TMA16: variants seen among roughly 807,000 people sequenced by gnomAD.
TMA16 encodes translation machinery-associated protein 16.
A neutral mutation model predicts 27.1 loss-of-function variants in TMA16; 26 were observed. The ratio of observed to expected loss-of-function variants is 0.96; its 90% CI spans 0.70 to 1.33. The LOEUF is 1.33. Ranked by LOEUF, TMA16 falls within the 40% of genes most tolerant of loss-of-function variation. The pLI is 0.00. For synonymous variants in TMA16, 71 were observed against 81.9 expected (o/e 0.87, Z 0.72); for missense variants, 233 against 241.4 (o/e 0.97, Z 0.23).
At chr4:163,515,657 G>C (rs1307130366) in intron 5 of TMA16, 196 bp downstream of exon 5, 2 of 560,084 alleles carry the variant, frequency 3.6e-6, no homozygotes, top group East Asian at 6.6e-5. Flanking sequence ...TATCAAGTTT[G>C]TGACAGTGAT....
chr4:163,506,571 G>T (rs1214012844), intron 1 of TMA16, among the ~76,000 whole-genome samples: 1 of 152,068 alleles, frequency 6.6e-6, no homozygotes. Flanking sequence ...ATTTGTACAG[G>T]CAATGAGCCC....
At chr4:163,500,408 AC>A (rs1419720700) in intron 1 of TMA16, among the ~76,000 whole-genome samples, 1 of 151,966 alleles carries the variant, frequency 6.6e-6, no homozygotes, top group Non-Finnish European at 1.5e-5. Flanking sequence ...ACGGGATTTC[AC>A]CATGTTGGCC....
At chr4:163,500,279 C>T (rs1238567839) in intron 1 of TMA16, among the ~76,000 whole-genome samples, 34 of 145,504 alleles carry the variant, frequency 2.3e-4, no homozygotes, top group Admixed American at 2.3e-3. Flanking sequence ...GGTGCTATCT[C>T]AGCTCACTGC....
chr4:163,505,569 G>A (rs1737708402), intron 1 of TMA16, among the ~76,000 whole-genome samples: 1 of 152,216 alleles, frequency 6.6e-6, no homozygotes, highest in African/African-American at 2.4e-5. Flanking sequence ...GTAATAACAA[G>A]TGCAGTCTCA....
At chr4:163,512,918 CTTGT>C in intron 3 of TMA16, 59 bp downstream of exon 3, 1 of 1,322,922 alleles carries the variant, frequency 7.6e-7, no homozygotes, top group Non-Finnish European at 1.0e-6. Flanking sequence ...CTGCCCTATA[CTTGT>C]TTTTCTTTTT....
intron 1 of TMA16, among the ~76,000 whole-genome samples, chr4:163,498,878 G>A (rs182701520): frequency 4.6e-4 from 70 of 151,894 alleles, no homozygotes; most frequent in Admixed American, 9.2e-4. Context: ...GGCTGGTCTC[G>A]AACTTCTGGC....
intron 1 of TMA16, among the ~76,000 whole-genome samples, chr4:163,497,321 C>CT (rs1234201971): frequency 1.3e-5 from 2 of 152,164 alleles, no homozygotes; most frequent in Non-Finnish European, 2.9e-5. Context: ...GTATACCAAT[C>CT]TTTTTGAGAC....
At chr4:163,513,424 G>A (rs1037842485) in intron 3 of TMA16, among the ~76,000 whole-genome samples, 1 of 152,106 alleles carries the variant, frequency 6.6e-6, no homozygotes, top group African/African-American at 2.4e-5. Flanking sequence ...GTACAGGGCC[G>A]GGTGATTTTT....
At chr4:163,508,589 T>C (rs969226563) in intron 2 of TMA16, among the ~76,000 whole-genome samples, 1 of 152,206 alleles carries the variant, frequency 6.6e-6, no homozygotes. Context: ...CCCACACTTT[T>C]GTCCTTAATG....
At chr4:163,504,394 T>C (rs1188906064) in intron 1 of TMA16, among the ~76,000 whole-genome samples, 2 of 152,166 alleles carry the variant, frequency 1.3e-5, no homozygotes, top group African/African-American at 2.4e-5. Flanking sequence ...GAATCAGGCA[T>C]GGCTTACTGG....
intron 5 of TMA16, 116 bp from the exon 6 acceptor site, chr4:163,517,318 A>T (rs1692734115): frequency 2.1e-6 from 2 of 973,790 alleles, no homozygotes; most frequent in African/African-American, 3.3e-5. Context: ...TTACAGCAAT[A>T]CTTCGAAATT....
intron 2 of TMA16, among the ~76,000 whole-genome samples, chr4:163,508,064 A>G (rs574256473): frequency 7.2e-5 from 11 of 152,100 alleles, no homozygotes; most frequent in South Asian, 4.2e-4. Context: ...ATTTTTTTCA[A>G]CATAAAGATT....
chr4:163,497,375 C>T (rs1737573380), intron 1 of TMA16, among the ~76,000 whole-genome samples: 1 of 152,140 alleles, frequency 6.6e-6, no homozygotes, highest in Admixed American at 6.5e-5. Context: ...AATGGTTTCT[C>T]ATAAAAATTG....
At position 163,494,962 on chromosome 4, in the gene TMA16, T is replaced by A. The variant is rs546900172; in HGVS notation, c.3+158T>A. ...TGTGCGGGGTGCGGGGCGAAGCCTC[T>A]GGGAGGCGAGTCCCAGGCCCAACGC... On this transcript the variant is annotated intron_variant, in intron 1 of 6. Transcript: ENST00000358572. 1.3e-5 allele frequency: 14 copies of A among 1,092,380 alleles called. No homozygotes were observed. In the African/African-American group the frequency reaches 1.7e-4, roughly 13 times the overall value. The allele number at this position is 1,092,380 out of a possible 1,614,324, so 67.7% of individuals were successfully genotyped here.
Position 163,507,015 on chromosome 4 carries a change from T to C in TMA16, c.4-18T>C. 1 of 1,561,626 alleles carries C rather than the reference T, an allele frequency of 6.4e-7. No homozygotes were observed. The highest frequency in any genetic ancestry group is 1.2e-5 in the South Asian group (1 of 83,848). ...TACATATCTGACTATATGTGTCATG[T>C]GTTTTCATACATTTTAGCCCAAAGC... On this transcript the variant is annotated intron_variant, in intron 1 of 6. Transcript: ENST00000358572.
intron 6 of TMA16, 120 bp from the exon 7 acceptor site, chr4:163,519,214 A>AT: frequency 1.2e-6 from 1 of 862,466 alleles, no homozygotes; most frequent in South Asian, 2.2e-5. Flanking sequence ...TTTTCCTTTA[A>AT]CGCTTTTGAA....
intron 6 of TMA16, among the ~76,000 whole-genome samples, chr4:163,518,310 T>A (rs1441443149): frequency 3.9e-5 from 6 of 152,180 alleles, no homozygotes; most frequent in Admixed American, 3.9e-4. Context: ...TAAATACCCT[T>A]CTTGATAGCA....
chr4:163,499,679 T>C (rs1032232750), intron 1 of TMA16, among the ~76,000 whole-genome samples: 2 of 152,018 alleles, frequency 1.3e-5, no homozygotes, highest in African/African-American at 4.8e-5. Flanking sequence ...CCATACCTAT[T>C]ACAATGTAAA....
chr4:163,515,349 T>A lies in TMA16; in HGVS notation c.276T>A (p.Ile92=). 3 of 1,612,886 alleles carry A rather than the reference T, an allele frequency of 1.9e-6. No homozygotes were observed. Among genetic ancestry groups the A allele is most frequent in the Non-Finnish European group, 2.5e-6 (3 of 1,179,696 alleles). The part of the protein sequence containing the change: ...LNRFSSELEQ[I]ELHNSIRDRQ... Reference sequence around the variant, plus strand: ...GATTCAGCAGTGAGCTGGAGCAGATTGAGTTACATAACAGTATCAGGGACA... The same window carrying A: ...GATTCAGCAGTGAGCTGGAGCAGATAGAGTTACATAACAGTATCAGGGACA... The change falls in exon 5 of 7, where the codon ATT becomes ATA. Residue 92 remains isoleucine (I), a synonymous_variant. Transcript: ENST00000358572.
Sources: gnomAD v4.1 joint callset for allele counts (sites outside exome capture counted in the v4.1 genomes callset) on GRCh38, gnomAD v4.1.1 for gene constraint, MANE v1.5 for transcripts, NCBI Gene and HGNC (gene_info 2026-07-23, HGNC 2026-07-21) for gene names.